The following COL14A1 variants were observed in gnomAD, a reference collection of about 807,000 sequenced individuals.
COL14A1 encodes the protein collagen type XIV alpha 1 chain.
A neutral mutation model predicts 230.3 loss-of-function variants in COL14A1; 136 were observed. The ratio of observed to expected loss-of-function variants is 0.59; its 90% CI spans 0.51 to 0.68. COL14A1 has a LOEUF of 0.68. Ranked by LOEUF, COL14A1 falls within the 30% of genes least tolerant of loss-of-function variation. The pLI, the probability that COL14A1 is intolerant of heterozygous loss-of-function variation, is 0.00. For synonymous variants in COL14A1, 792 were observed against 784.1 expected, an observed-to-expected ratio of 1.01 and a Z score of -0.17; for missense variants, 1,976 against 2,215.8, an observed-to-expected ratio of 0.89 and a Z score of 2.17.
At chr8:120,193,722 G>C (rs1225303772) in intron 5 of COL14A1, among the ~76,000 whole-genome samples, 2 of 152,172 alleles carry the variant, frequency 1.3e-5, no homozygotes, top group Non-Finnish European at 2.9e-5. Context: ...CTTCCCGGCT[G>C]GTTTGGTTAC....
At chr8:120,296,895 TG>T in intron 34 of COL14A1, among the ~76,000 whole-genome samples, 1 of 152,108 alleles carries the variant, frequency 6.6e-6, no homozygotes, top group Non-Finnish European at 1.5e-5. Context: ...CATATTTATG[TG>T]CTCCCCTCTC....
At chr8:120,289,878 G>A in intron 34 of COL14A1, 112 bp downstream of exon 34, 2 of 1,084,718 alleles carry the variant, frequency 1.8e-6, no homozygotes, top group Non-Finnish European at 2.6e-6. Flanking sequence ...ATGGATAAAT[G>A]GATGGATGAA....
chr8:120,170,495 G>T (rs1816063061), intron 5 of COL14A1, among the ~76,000 whole-genome samples: 1 of 152,090 alleles, frequency 6.6e-6, no homozygotes, highest in East Asian at 1.9e-4. Flanking sequence ...ATTGCATTGT[G>T]GGTAGAGAAT....
Position 120,250,721 on chromosome 8 carries a change from C to G in COL14A1, c.2707C>G (p.Gln903Glu). 1 of 1,614,236 alleles carries G rather than the reference C, an allele frequency of 6.2e-7. No individual in the cohort carries two copies. Among genetic ancestry groups the G allele is most frequent in the Non-Finnish European group, 8.5e-7 (1 of 1,180,054 alleles). ...MDYNVKIFASQASGFSDALTG... is the reference protein window; with the variant it reads ...MDYNVKIFASEASGFSDALTG... ...CTACAATGTGAAGATATTTGCCTCCCAGGCCTCAGGCTTCAGCGACGCCCT... is the reference window on the plus strand; with the variant it reads ...CTACAATGTGAAGATATTTGCCTCCGAGGCCTCAGGCTTCAGCGACGCCCT... The change falls in exon 22 of 48, where the codon CAG becomes GAG. Residue 903 changes from glutamine to glutamate, a missense_variant. Physicochemically the swap from Gln to Glu is conservative, Grantham distance 29. Transcript: ENST00000297848.
rs768629573 is a variant in COL14A1, at chr8:120,285,988, T to C, written c.4077+18T>C. The stretch of plus-strand genomic sequence containing the variant: ...TTCACAAGGTTAGTAATGCTTTGTA[T>C]GCATATATTCTTTATTCTATTTGCT... On this transcript the variant is annotated intron_variant, in intron 33 of 47. Coordinates refer to ENST00000297848, the MANE Select transcript of COL14A1 (RefSeq NM_021110.4). The C allele has an allele frequency of 1.5e-5, 20 of 1,299,188 alleles. No homozygotes were observed. In the South Asian group the frequency reaches 2.3e-4, roughly 15 times the overall value. The allele number at this position is 1,299,188 out of a possible 1,614,324, so 80.5% of individuals were successfully genotyped here. A position where few individuals can be genotyped will look rare whatever the true frequency, so the allele number is the denominator to read the frequency against.
At chr8:120,261,946 G>T (rs1356755671) in intron 23 of COL14A1, among the ~76,000 whole-genome samples, 1 of 152,088 alleles carries the variant, frequency 6.6e-6, no homozygotes, top group African/African-American at 2.4e-5. Context: ...AGGACTCCTT[G>T]GTGGTCCCAG....
At chr8:120,234,189 A>G (rs1173802583) in intron 19 of COL14A1, among the ~76,000 whole-genome samples, 1 of 152,194 alleles carries the variant, frequency 6.6e-6, no homozygotes, top group African/African-American at 2.4e-5. Context: ...CTGAAGTTGC[A>G]TATCAGCTTA....
chr8:120,289,010 T>G (rs373171788), intron 33 of COL14A1, among the ~76,000 whole-genome samples: 1 of 152,258 alleles, frequency 6.6e-6, no homozygotes, highest in African/African-American at 2.4e-5. Context: ...ATGTGTCAAC[T>G]CCTGAAAATA....
chr8:120,182,392 G>A (rs534798986), intron 5 of COL14A1, among the ~76,000 whole-genome samples: 5 of 152,202 alleles, frequency 3.3e-5, no homozygotes, highest in South Asian at 2.1e-4. Flanking sequence ...CAAATTAAGC[G>A]ATGTTTTGGC....
chr8:120,194,309 GTT>G (rs757576330), intron 5 of COL14A1, among the ~76,000 whole-genome samples: 2 of 152,070 alleles, frequency 1.3e-5, no homozygotes, highest in Non-Finnish European at 1.5e-5. Context: ...TCTAGATAAT[GTT>G]TTCTGCATGC....
intron 5 of COL14A1, among the ~76,000 whole-genome samples, chr8:120,175,485 A>G (rs1405810363): frequency 3.9e-5 from 6 of 152,098 alleles, no homozygotes; most frequent in Admixed American, 3.9e-4. Flanking sequence ...CTACGGTGAT[A>G]TAAGGGGTGA....
intron 45 of COL14A1, among the ~76,000 whole-genome samples, chr8:120,365,562 C>T (rs1162668930): frequency 1.3e-5 from 2 of 152,172 alleles, no homozygotes; most frequent in Non-Finnish European, 2.9e-5. Context: ...TAAACTAATG[C>T]CCAGTAGGCT....
intron 36 of COL14A1, among the ~76,000 whole-genome samples, 171 bp from the exon 37 acceptor site, chr8:120,309,838 G>C (rs2130081824): frequency 6.6e-6 from 1 of 152,196 alleles, no homozygotes; most frequent in Non-Finnish European, 1.5e-5. Flanking sequence ...TGCAGCGCTG[G>C]GGCTGGGTGG....
At chr8:120,332,984 C>T (rs1369586245) in intron 42 of COL14A1, among the ~76,000 whole-genome samples, 1 of 152,206 alleles carries the variant, frequency 6.6e-6, no homozygotes, top group Non-Finnish European at 1.5e-5. Context: ...GTTTCTATTG[C>T]TTGCTATTCT....
intron 1 of COL14A1, among the ~76,000 whole-genome samples, chr8:120,128,041 A>G (rs1268439530): frequency 6.6e-6 from 1 of 152,210 alleles, no homozygotes; most frequent in Non-Finnish European, 1.5e-5. Flanking sequence ...ATAAAAATAA[A>G]CTTTCTTCTT....
intron 36 of COL14A1, among the ~76,000 whole-genome samples, chr8:120,301,065 T>A (rs1176283650): frequency 6.6e-6 from 1 of 152,158 alleles, no homozygotes; most frequent in Non-Finnish European, 1.5e-5. Flanking sequence ...TCATACGATG[T>A]CTCATACTGG....
chr8:120,202,279 A>G (rs1048716437), intron 8 of COL14A1, among the ~76,000 whole-genome samples: 2 of 152,200 alleles, frequency 1.3e-5, no homozygotes, highest in African/African-American at 4.8e-5. Context: ...AATTACTTGG[A>G]AATCAGCAGT....
At chr8:120,173,750 C>A (rs1041873075) in intron 5 of COL14A1, among the ~76,000 whole-genome samples, 2 of 150,858 alleles carry the variant, frequency 1.3e-5, no homozygotes, top group Non-Finnish European at 3.0e-5. Flanking sequence ...TTATTTTAGC[C>A]CTCCTTCTTC....
At chr8:120,297,240 G>A (rs139907945) in intron 34 of COL14A1, among the ~76,000 whole-genome samples, 75 of 151,980 alleles carry the variant, frequency 4.9e-4, no homozygotes, top group African/African-American at 1.7e-3. Flanking sequence ...TAACAGAGGA[G>A]CTAAGCTTAC....
Sources: gnomAD v4.1 joint callset for allele counts (sites outside exome capture counted in the v4.1 genomes callset) on GRCh38, gnomAD v4.1.1 for gene constraint, MANE v1.5 for transcripts, NCBI Gene and HGNC (gene_info 2026-07-23, HGNC 2026-07-21) for gene names.